Variants in FOXO1 observed in about 807,000 individuals in gnomAD.
FOXO1 encodes forkhead box protein O1.
Under a neutral mutation model 44.1 loss-of-function variants are expected in FOXO1, and 6 were observed. That is an observed-to-expected ratio of 0.14 (90% CI 0.07 to 0.27). The LOEUF is 0.27. Among genes scored for constraint, FOXO1 ranks in the 10% least tolerant of loss-of-function variants. The pLI is 1.00. For missense variants in FOXO1, 737 were observed against 888.8 expected (o/e 0.83, Z 2.17); for synonymous variants, 380 against 362.7 (o/e 1.05, Z -0.54).
rs3841231 is a variant in FOXO1 at position 40,558,408 on chromosome 13, C to CT, written c.*640dup. The CT allele has an allele frequency of 3.4e-4, 53 of 154,014 alleles. No individual in the cohort carries two copies. Among genetic ancestry groups the CT allele is most frequent in the African/African-American group, 7.0e-4 (29 of 41,482 alleles). 9.5% of individuals were successfully genotyped at this position (154,014 alleles called of 1,614,324 possible). On this transcript the variant is annotated 3_prime_UTR_variant, in exon 3 of 3. Transcript: ENST00000379561. Reference sequence around the variant, plus strand: ...GACCTGTACAAAGCTGGCATTTAATCTTTTTTTTTCCAAAAGTTTAACAAG... The same window carrying CT: ...GACCTGTACAAAGCTGGCATTTAATCTTTTTTTTTTCCAAAAGTTTAACAAG...
chr13:40,665,561 G>A, intron 1 of FOXO1, 22 bp downstream of exon 1: 2 of 1,363,304 alleles, frequency 1.5e-6, no homozygotes, highest in East Asian at 2.8e-5. Flanking sequence ...CCAAGGTCCG[G>A]CCGCGCGCCG....
At chr13:40,637,436 T>A (rs1877197256) in intron 1 of FOXO1, among the ~76,000 whole-genome samples, 1 of 89,456 alleles carries the variant, frequency 1.1e-5, no homozygotes. Flanking sequence ...AGAGTGAGAC[T>A]CCATCACAAA....
At chr13:40,665,034 G>T (rs1354422494) in intron 1 of FOXO1, among the ~76,000 whole-genome samples, 4 of 151,936 alleles carry the variant, frequency 2.6e-5, no homozygotes, top group African/African-American at 9.6e-5. Flanking sequence ...TCCAGAAACT[G>T]CCCGGCAGGC....
rs11344939 is a variant in FOXO1, at chr13:40,654,322, T to TAAAAAAA, written c.630+11254_630+11260dup. ...GAAACCTCATCTCTACTAAAAATAC[T>TAAAAAAA]AAAAAAAAAAAAAAAAAAAAAAAAA... On this transcript the variant is annotated intron_variant, in intron 1 of 2. Coordinates refer to ENST00000379561, the MANE Select transcript of FOXO1 (RefSeq NM_002015.4). Among the ~76,000 whole-genome samples the TAAAAAAA allele has an allele frequency of 4.3e-3, 205 of 48,180 alleles. 10 individuals are homozygous for TAAAAAAA. The highest frequency in any genetic ancestry group is 0.013 in the African/African-American group (196 of 15,034). The allele number at this position is 48,180 out of a possible 152,430, so 31.6% of individuals were successfully genotyped here. A position where few individuals can be genotyped will look rare whatever the true frequency, so the allele number is the denominator to read the frequency against.
intron 1 of FOXO1, among the ~76,000 whole-genome samples, chr13:40,622,030 A>T (rs1282623697): frequency 6.6e-6 from 1 of 152,218 alleles, no homozygotes; most frequent in Non-Finnish European, 1.5e-5. Context: ...TTACTGAAAC[A>T]TCTCTGACAA....
chr13:40,619,832 G>A, intron 1 of FOXO1: 1 of 764,302 alleles, frequency 1.3e-6, no homozygotes, highest in Non-Finnish European at 2.4e-6. Flanking sequence ...AACCAGTCGG[G>A]TGGCAGCTAA....
chr13:40,639,941 C>T (rs1033291284), intron 1 of FOXO1, among the ~76,000 whole-genome samples: 2 of 152,224 alleles, frequency 1.3e-5, no homozygotes, highest in Non-Finnish European at 2.9e-5. Context: ...ACAATCTTAG[C>T]AAGTGCTATC....
Position 40,666,269 on chromosome 13 carries a change from C to T in FOXO1, c.-57G>A, listed in dbSNP as rs977672595. 38 of 1,311,408 alleles carry T rather than the reference C, an allele frequency of 2.9e-5. 1 individual carries two copies. Among genetic ancestry groups the T allele is most frequent in the South Asian group, 5.7e-5 (3 of 52,278 alleles). The allele number at this position is 1,311,408 out of a possible 1,614,324, so 81.2% of individuals were successfully genotyped here. A position where few individuals can be genotyped will look rare whatever the true frequency, so the allele number is the denominator to read the frequency against. ...GAGCCAAGAGGGGGAGAACGCAGCA[C>T]TGGGGGCGGACGGGGAGGGGGCGCG... On this transcript the variant is annotated 5_prime_UTR_variant, in exon 1 of 3. In the 5' UTR this introduces an upstream ATG that the reference lacks. Coordinates refer to ENST00000379561, the MANE Select transcript of FOXO1 (RefSeq NM_002015.4).
chr13:40,623,577 T>C (rs1257023197), intron 1 of FOXO1, among the ~76,000 whole-genome samples: 1 of 152,194 alleles, frequency 6.6e-6, no homozygotes, highest in Admixed American at 6.5e-5. Flanking sequence ...GTTTGCTGAC[T>C]GTGTCATATG....
chr13:40,592,755 C>T (rs1875431016), intron 1 of FOXO1, among the ~76,000 whole-genome samples: 1 of 152,216 alleles, frequency 6.6e-6, no homozygotes, highest in African/African-American at 2.4e-5. Flanking sequence ...TTTCAATAAT[C>T]CCAATCCCTA....
At chr13:40,615,747 A>T (rs997221852) in intron 1 of FOXO1, among the ~76,000 whole-genome samples, 1 of 152,122 alleles carries the variant, frequency 6.6e-6, no homozygotes, top group Non-Finnish European at 1.5e-5. Context: ...GAGGCAAGGG[A>T]TGGTGCCAAA....
chr13:40,564,919 T>A, intron 1 of FOXO1, among the ~76,000 whole-genome samples: 1 of 135,642 alleles, frequency 7.4e-6, no homozygotes, highest in East Asian at 2.7e-4. Flanking sequence ...CTGGGAAGCC[T>A]GACCCAATGA....
chr13:40,566,951 A>C (rs1874293520), intron 1 of FOXO1, among the ~76,000 whole-genome samples: 1 of 152,056 alleles, frequency 6.6e-6, no homozygotes, highest in South Asian at 2.1e-4. Context: ...TGGGTTGAAA[A>C]AAGAGACCTG....
intron 1 of FOXO1, among the ~76,000 whole-genome samples, chr13:40,623,571 GCTGA>G (rs1876687963): frequency 6.6e-6 from 1 of 152,106 alleles, no homozygotes; most frequent in Admixed American, 6.5e-5. Flanking sequence ...AGAAATGTTT[GCTGA>G]CTGTGTCATA....
chr13:40,579,088 C>T (rs2755215), intron 1 of FOXO1, among the ~76,000 whole-genome samples: 14,036 of 152,268 alleles, frequency 0.092, 827 homozygotes, highest in East Asian at 0.24. Context: ...AAAACAATGT[C>T]TGTCCTAAAT....
At chr13:40,580,887 T>C (rs1394429821) in intron 1 of FOXO1, among the ~76,000 whole-genome samples, 1 of 152,160 alleles carries the variant, frequency 6.6e-6, no homozygotes, top group Admixed American at 6.5e-5. Context: ...TCAAAGACCC[T>C]GAAGAACAAG....
intron 1 of FOXO1, among the ~76,000 whole-genome samples, chr13:40,570,165 C>T (rs1593382347): frequency 6.6e-6 from 1 of 151,868 alleles, no homozygotes; most frequent in South Asian, 2.1e-4. Context: ...CAAAAATTGG[C>T]CGGGTGTGGT....
chr13:40,600,062 C>T (rs902086990), intron 1 of FOXO1, among the ~76,000 whole-genome samples: 2 of 152,162 alleles, frequency 1.3e-5, no homozygotes, highest in East Asian at 3.9e-4. Flanking sequence ...CAGAGTTGAA[C>T]TGGAGTTTTT....
At chr13:40,642,397 C>T (rs4325427) in intron 1 of FOXO1, among the ~76,000 whole-genome samples, 60,903 of 151,976 alleles carry the variant, frequency 0.4, 13,653 homozygotes, top group East Asian at 0.75. Context: ...ACTTTTGCAC[C>T]GGCAACTATA....
Sources: allele counts gnomAD v4.1 joint callset (sites outside exome capture counted in the v4.1 genomes callset), GRCh38; gene constraint gnomAD v4.1.1; transcripts MANE v1.5; gene names NCBI Gene and HGNC (gene_info 2026-07-23, HGNC 2026-07-21).